TPMT: variants seen among roughly 807,000 people sequenced by gnomAD.
The protein encoded by TPMT is S-adenosyl-L-methionine:thiopurine S-methyltransferase.
TPMT carries 18 observed loss-of-function variants against 34.2 expected under a neutral mutation model. That is an observed-to-expected ratio of 0.53 (90% CI 0.36 to 0.78). TPMT has a LOEUF of 0.78. TPMT is among the 30% of genes least tolerant of loss of function. TPMT has a pLI of 0.00. For missense variants in TPMT, 265 were observed against 288.1 expected, an observed-to-expected ratio of 0.92 and a Z score of 0.58; for synonymous variants, 69 against 92.4, an observed-to-expected ratio of 0.75 and a Z score of 1.45.
At chr6:18,142,631 T>G (rs1334879979) in intron 4 of TPMT, among the ~76,000 whole-genome samples, 4 of 152,136 alleles carry the variant, frequency 2.6e-5, no homozygotes, top group Non-Finnish European at 5.9e-5. Flanking sequence ...TGGCTCATTC[T>G]GCTCACAGCA....
In TPMT at chr6:18,154,653, G is replaced by T. The variant is rs1230659699; in HGVS notation, c.-45+380C>A. Among the ~76,000 whole-genome samples, 2 of 152,088 alleles carry T rather than the reference G, an allele frequency of 1.3e-5. No individual in the cohort carries two copies. The highest frequency in any genetic ancestry group is 3.9e-4 in the East Asian group (2 of 5,180). ...CCAAGCGTGGTGCAGCGAGCCTGTA[G>T]TCCCAGTTACCGAGGAGGCTGGGGC... is the stretch of plus-strand genomic sequence containing the variant. On this transcript the variant is annotated intron_variant, in intron 1 of 8. Transcript: ENST00000309983. This position sits in a 1 kb window ranked among gnomAD's most constrained non-coding sequence, Gnocchi z 4.2.
rs991510979 is a variant in TPMT, at chr6:18,153,419, A to T, written c.-45+1614T>A. ...ACATTCCCTTTAAATCATTAGTGAAACTAGTTTGGATTATACTAGCATGCT... is the reference window on the plus strand; with the variant it reads ...ACATTCCCTTTAAATCATTAGTGAATCTAGTTTGGATTATACTAGCATGCT... On this transcript the variant is annotated intron_variant, in intron 1 of 8. Transcript: ENST00000309983. The surrounding 1 kb of genome is among the most constrained non-coding windows in gnomAD (Gnocchi z 4.2). 1.3e-5 allele frequency among the ~76,000 whole-genome samples: 2 copies of T among 152,244 alleles called. No homozygotes were observed. The highest frequency in any genetic ancestry group is 2.9e-5 in the Non-Finnish European group (2 of 68,050).
Position 18,131,717 on chromosome 6 carries a change from A to C in TPMT, c.625+416T>G, listed in dbSNP as rs1353573067. ...TCTAAGATAAAACAACTTTCAATAA[A>C]ATGGTCTTTATCTTTTAAATTTTAT... is the stretch of plus-strand genomic sequence containing the variant. On this transcript the variant is annotated intron_variant, in intron 8 of 8. Transcript: ENST00000309983. This position sits in a 1 kb window ranked among gnomAD's most constrained non-coding sequence, Gnocchi z 4.3. 4.6e-5 allele frequency among the ~76,000 whole-genome samples: 7 copies of C among 152,224 alleles called. No homozygotes were observed. Among genetic ancestry groups the C allele is most frequent in the Admixed American group, 4.6e-4 (7 of 15,286 alleles).
In TPMT at chr6:18,143,731, G is replaced by A. The variant is rs556733807; in HGVS notation, c.234-3C>T. 7.4e-6 allele frequency: 12 copies of A among 1,613,874 alleles called. No homozygotes were observed. Among genetic ancestry groups the A allele is most frequent in the Middle Eastern group, 1.7e-4 (1 of 6,058 alleles). On this transcript the variant is annotated splice_region_variant and splice_polypyrimidine_tract_variant and intron_variant, in intron 3 of 8. Coordinates refer to ENST00000309983, the MANE Select transcript of TPMT (RefSeq NM_000367.5). The surrounding 1 kb of genome is among the most constrained non-coding windows in gnomAD (Gnocchi z 6.1). Reference sequence around the variant, plus strand: ...CACTGTGTCCCCGGTCTGCAAACCTGCATAAAATCATACATTTACACTTAA... The same window carrying A: ...CACTGTGTCCCCGGTCTGCAAACCTACATAAAATCATACATTTACACTTAA...
chr6:18,148,091 G>A lies in TPMT; in HGVS notation c.141-176C>T, dbSNP rs1784281245. ...TTGCTCAGACACACACCCAGTCAGT[G>A]GTAAATCTGACTTACACCCAGGGCT... On this transcript the variant is annotated intron_variant, in intron 2 of 8. Transcript: ENST00000309983. The surrounding 1 kb of genome is among the most constrained non-coding windows in gnomAD (Gnocchi z 4.1). 6.6e-6 allele frequency among the ~76,000 whole-genome samples: 1 copy of A among 152,058 alleles called. No homozygotes were observed. The highest frequency in any genetic ancestry group is 1.5e-5 in the Non-Finnish European group (1 of 68,020).
chr6:18,139,713 G>T lies in TPMT; in HGVS notation c.371C>A (p.Ser124Tyr), dbSNP rs1784108274. The T allele has an allele frequency of 6.2e-7, 1 of 1,608,554 alleles. No homozygotes were observed. The highest frequency in any genetic ancestry group is 8.5e-7 in the Non-Finnish European group (1 of 1,178,268). The change falls in exon 5 of 9, where the codon TCT (serine) becomes TAT (tyrosine). Residue 124 changes from serine to tyrosine, a missense_variant. By Grantham distance (144) the Ser-to-Tyr change is moderately radical. Coordinates refer to ENST00000309983, the MANE Select transcript of TPMT (RefSeq NM_000367.5). The surrounding 1 kb of genome is among the most constrained non-coding windows in gnomAD (Gnocchi z 4.2). Reference sequence around the variant, plus strand: ...ACAGTACAATGAAATGTTCCCCGAAGAACTCTGTAATGAAATAATGAAAAA... The same window carrying T: ...ACAGTACAATGAAATGTTCCCCGAATAACTCTGTAATGAAATAATGAAAAA... Reference protein sequence around the residue: ...EIPGTKVFKSSSGNISLYCCS... With the variant: ...EIPGTKVFKSYSGNISLYCCS...
rs777159495 is a variant in TPMT at position 18,132,122 on chromosome 6, C to T, written c.625+11G>A. 2.5e-6 allele frequency: 4 copies of T among 1,613,938 alleles called. No homozygotes were observed. In the South Asian group the frequency reaches 4.4e-5, roughly 18 times the overall value. ...TGTTTAAAAAGTTACAGCATAAGTC[C>T]ACAAACTTACCAAACAACCTTTCAA... On this transcript the variant is annotated intron_variant, in intron 8 of 8. Transcript: ENST00000309983. This position sits in a 1 kb window ranked among gnomAD's most constrained non-coding sequence, Gnocchi z 4.8.
intron 7 of TPMT, 125 bp downstream of exon 7, chr6:18,133,679 T>G: frequency 1.4e-6 from 1 of 713,596 alleles, no homozygotes; most frequent in Non-Finnish European, 2.4e-6. Flanking sequence ...ATTATCTCCA[T>G]GTATATATGC....
At position 18,148,978 on chromosome 6, in the gene TPMT, T is replaced by C. The variant is rs201529425; in HGVS notation, c.140+10A>G. The C allele has an allele frequency of 3.3e-4, 539 of 1,613,104 alleles. 3 individuals carry two copies. The highest frequency in any genetic ancestry group is 1.9e-3 in the Middle Eastern group (10 of 5,286). ...GAACATTTCTCTATTGTATACCAAATATTTCTTACTGATGTCCTTGTTCCT... is the reference window on the plus strand; with the variant it reads ...GAACATTTCTCTATTGTATACCAAACATTTCTTACTGATGTCCTTGTTCCT... On this transcript the variant is annotated intron_variant, in intron 2 of 8. Coordinates refer to ENST00000309983, the MANE Select transcript of TPMT (RefSeq NM_000367.5). The surrounding 1 kb of genome is among the most constrained non-coding windows in gnomAD (Gnocchi z 4.1).
In TPMT at chr6:18,149,616, C is replaced by T. The variant is rs1351002116; in HGVS notation, c.-44-445G>A. Among the ~76,000 whole-genome samples the T allele has an allele frequency of 2.0e-5, 3 of 152,072 alleles. No individual in the cohort carries two copies. The highest frequency in any genetic ancestry group is 4.4e-5 in the Non-Finnish European group (3 of 68,014). On this transcript the variant is annotated intron_variant, in intron 1 of 8. Coordinates refer to ENST00000309983, the MANE Select transcript of TPMT (RefSeq NM_000367.5). The surrounding 1 kb of genome is among the most constrained non-coding windows in gnomAD (Gnocchi z 5.0). ...GGGACTTCAGGTACACACCACCACACCTGGTTAATTTTTGTATATATATAT... is the reference window on the plus strand; with the variant it reads ...GGGACTTCAGGTACACACCACCACATCTGGTTAATTTTTGTATATATATAT...
In TPMT at chr6:18,154,328, A is replaced by G. The variant is rs1784429620; in HGVS notation, c.-45+705T>C. ...AAGTCCTCAAGTTGTTCTAGTCTCCATTCTCACCTTTTCAAAAGCTTCTGC... is the reference window on the plus strand; with the variant it reads ...AAGTCCTCAAGTTGTTCTAGTCTCCGTTCTCACCTTTTCAAAAGCTTCTGC... On this transcript the variant is annotated intron_variant, in intron 1 of 8. Coordinates refer to ENST00000309983, the MANE Select transcript of TPMT (RefSeq NM_000367.5). This position sits in a 1 kb window ranked among gnomAD's most constrained non-coding sequence, Gnocchi z 4.2. 6.6e-6 allele frequency among the ~76,000 whole-genome samples: 1 copy of G among 152,214 alleles called. No individual in the cohort carries two copies. Among genetic ancestry groups the G allele is most frequent in the Non-Finnish European group, 1.5e-5 (1 of 68,034 alleles).
Position 18,146,223 on chromosome 6 carries a change from T to A in TPMT, c.233+1600A>T, listed in dbSNP as rs562426592. On this transcript the variant is annotated intron_variant, in intron 3 of 8. Coordinates refer to ENST00000309983, the MANE Select transcript of TPMT (RefSeq NM_000367.5). This position sits in a 1 kb window ranked among gnomAD's most constrained non-coding sequence, Gnocchi z 6.2. ...TACGTATATATACATATATATATAT[T>A]TTTTGGAGACAGAGTCTCACTCTGT... 4.0e-5 allele frequency among the ~76,000 whole-genome samples: 6 copies of A among 151,792 alleles called. No homozygotes were observed. The highest frequency in any genetic ancestry group is 6.6e-5 in the Admixed American group (1 of 15,206).
At chr6:18,147,110 C>T (rs1784261593) in intron 3 of TPMT, among the ~76,000 whole-genome samples, 1 of 152,110 alleles carries the variant, frequency 6.6e-6, no homozygotes, top group Admixed American at 6.6e-5. Flanking sequence ...CCTTTTCATA[C>T]ATTCTTTTTT....
chr6:18,150,304 C>T lies in TPMT; in HGVS notation c.-44-1133G>A, dbSNP rs866591918. ...TGAGCTATTAGGAGGCTCTCCAAACCCCATCCTCTTGGGTTTTTATGTAGG... is the reference window on the plus strand; with the variant it reads ...TGAGCTATTAGGAGGCTCTCCAAACTCCATCCTCTTGGGTTTTTATGTAGG... On this transcript the variant is annotated intron_variant, in intron 1 of 8. Transcript: ENST00000309983. The surrounding 1 kb of genome is among the most constrained non-coding windows in gnomAD (Gnocchi z 5.3). 6.6e-6 allele frequency among the ~76,000 whole-genome samples: 1 copy of T among 152,186 alleles called. No homozygotes were observed. The highest frequency in any genetic ancestry group is 6.5e-5 in the Admixed American group (1 of 15,276).
chr6:18,141,550 T>A (rs373867364), intron 4 of TPMT, among the ~76,000 whole-genome samples: 1 of 152,078 alleles, frequency 6.6e-6, no homozygotes, highest in African/African-American at 2.4e-5. Flanking sequence ...ATGTTGGCCA[T>A]GCTGGTCCTG....
intron 6 of TPMT, among the ~76,000 whole-genome samples, chr6:18,137,095 A>T (rs902127298): frequency 6.6e-6 from 1 of 151,678 alleles, no homozygotes; most frequent in African/African-American, 2.4e-5. Flanking sequence ...TAAAAATAAA[A>T]ATCTTATTTC....
Position 18,139,537 on chromosome 6 carries a change from C to A in TPMT, c.419+128G>T. On this transcript the variant is annotated intron_variant, in intron 5 of 8. Transcript: ENST00000309983. This position sits in a 1 kb window ranked among gnomAD's most constrained non-coding sequence, Gnocchi z 4.2. The stretch of plus-strand genomic sequence containing the variant: ...GTAATAAAAATATCTGCAGAACAGA[C>A]ATTCAAAAAAATGCTTTGTGGATGT... The A allele has an allele frequency of 1.3e-6, 1 of 786,802 alleles. No individual in the cohort carries two copies. 48.7% of individuals were successfully genotyped at this position (786,802 alleles called of 1,614,324 possible). A position where few individuals can be genotyped will look rare whatever the true frequency, so the allele number is the denominator to read the frequency against.
rs1477542316 is a variant in TPMT at position 18,138,280 on chromosome 6, A to T, written c.494+683T>A. The stretch of plus-strand genomic sequence containing the variant: ...GATTTTTTTGTTTTTTTTTTTTTTT[A>T]AATATTTTACAGACAAGGTCTTGCT... On this transcript the variant is annotated intron_variant, in intron 6 of 8. Coordinates refer to ENST00000309983, the MANE Select transcript of TPMT (RefSeq NM_000367.5). This position sits in a 1 kb window ranked among gnomAD's most constrained non-coding sequence, Gnocchi z 4.1. Among the ~76,000 whole-genome samples, 534 of 134,422 alleles carry T rather than the reference A, an allele frequency of 4.0e-3. 2 individuals are homozygous for T. The highest frequency in any genetic ancestry group is 0.012 in the African/African-American group (445 of 35,668). 88.2% of individuals were successfully genotyped at this position (134,422 alleles called of 152,430 possible).
At position 18,140,622 on chromosome 6, in the gene TPMT, T is replaced by C. The variant is rs1322642317; in HGVS notation, c.367-905A>G. ...TCACTTGAGCCTGGGAGGTCAAGGC[T>C]GCAGTGAGCTGTGATTGTGCCACTG... is the stretch of plus-strand genomic sequence containing the variant. On this transcript the variant is annotated intron_variant, in intron 4 of 8. Coordinates refer to ENST00000309983, the MANE Select transcript of TPMT (RefSeq NM_000367.5). This position sits in a 1 kb window ranked among gnomAD's most constrained non-coding sequence, Gnocchi z 4.7. 6.6e-6 allele frequency among the ~76,000 whole-genome samples: 1 copy of C among 152,158 alleles called. No homozygotes were observed. Among genetic ancestry groups the C allele is most frequent in the Non-Finnish European group, 1.5e-5 (1 of 68,024 alleles).
Sources: gnomAD v4.1 joint callset for allele counts (sites outside exome capture counted in the v4.1 genomes callset) on GRCh38, gnomAD v4.1.1 for gene constraint, Gnocchi (gnomAD v3.1) non-coding constraint, MANE v1.5 for transcripts, NCBI Gene and HGNC (gene_info 2026-07-23, HGNC 2026-07-21) for gene names.